PLCXD3: variants seen among roughly 807,000 people sequenced by gnomAD.
PLCXD3 encodes PI-PLC X domain-containing protein 3.
A neutral mutation model predicts 25.5 loss-of-function variants in PLCXD3; 19 were observed. The ratio of observed to expected loss-of-function variants is 0.75; its 90% confidence interval spans 0.52 to 1.09. PLCXD3 has a LOEUF of 1.09. Ranked by LOEUF, PLCXD3 falls within the 50% of genes least tolerant of loss-of-function variation. PLCXD3 has a pLI of 0.00. For missense variants in PLCXD3, 411 were observed against 388.1 expected (o/e 1.06, Z -0.50); for synonymous variants, 174 against 137.6 (o/e 1.26, Z -1.85).
intron 1 of PLCXD3, among the ~76,000 whole-genome samples, chr5:41,420,223 A>G (rs1421931684): frequency 4.6e-5 from 7 of 152,204 alleles, no homozygotes; most frequent in African/African-American, 1.7e-4. Flanking sequence ...TCCTAAATAT[A>G]TATTAACTAG....
intron 1 of PLCXD3, among the ~76,000 whole-genome samples, chr5:41,446,000 A>G (rs1747487166): frequency 6.6e-6 from 1 of 151,718 alleles, no homozygotes; most frequent in African/African-American, 2.4e-5. Context: ...ATCCTGGCTA[A>G]CATGGTGAAA....
intron 2 of PLCXD3, among the ~76,000 whole-genome samples, chr5:41,375,272 G>T (rs1192009850): frequency 1.3e-5 from 2 of 152,096 alleles, no homozygotes; most frequent in African/African-American, 4.8e-5. Context: ...CAAGGCCCCA[G>T]GGCACCATGC....
chr5:41,341,646 A>G (rs1270346305), intron 2 of PLCXD3, among the ~76,000 whole-genome samples: 1 of 152,142 alleles, frequency 6.6e-6, no homozygotes, highest in Non-Finnish European at 1.5e-5. Flanking sequence ...TCTTGTAGCT[A>G]TGAATCATTC....
intron 2 of PLCXD3, among the ~76,000 whole-genome samples, chr5:41,373,389 A>C (rs1333874376): frequency 1.3e-5 from 2 of 152,182 alleles, no homozygotes; most frequent in East Asian, 1.9e-4. Context: ...CATGGGACTT[A>C]TGAAATGTGC....
chr5:41,438,171 C>G (rs574343169), intron 1 of PLCXD3, among the ~76,000 whole-genome samples: 1 of 152,214 alleles, frequency 6.6e-6, no homozygotes, highest in Admixed American at 6.5e-5. Flanking sequence ...CAACTTAGAA[C>G]AGCCCCGACA....
chr5:41,362,911 A>G (rs1409302012), intron 2 of PLCXD3, among the ~76,000 whole-genome samples: 1 of 152,214 alleles, frequency 6.6e-6, no homozygotes, highest in African/African-American at 2.4e-5. Context: ...CTACTTTGGC[A>G]TCTCTTCCTG....
intron 2 of PLCXD3, among the ~76,000 whole-genome samples, chr5:41,347,610 C>T (rs1429530737): frequency 6.6e-6 from 1 of 152,170 alleles, no homozygotes; most frequent in Non-Finnish European, 1.5e-5. Flanking sequence ...AGTTACCAAC[C>T]TATAGTTGTT....
intron 1 of PLCXD3, among the ~76,000 whole-genome samples, chr5:41,446,176 C>CAAAAATAAAAAAAAA (rs1747494975): frequency 2.6e-5 from 1 of 38,110 alleles, no homozygotes; most frequent in Non-Finnish European, 5.0e-5. Flanking sequence ...GACTCCTTCT[C>CAAAAATAAAAAAAAA]AAAAAAAAAA....
intron 1 of PLCXD3, among the ~76,000 whole-genome samples, chr5:41,435,534 T>A (rs756831550): frequency 4.6e-5 from 7 of 152,058 alleles, no homozygotes; most frequent in African/African-American, 7.2e-5. Context: ...TGGGAAAGGT[T>A]TTGAGTTTGA....
At chr5:41,360,211 T>C (rs1299914062) in intron 2 of PLCXD3, among the ~76,000 whole-genome samples, 1 of 152,204 alleles carries the variant, frequency 6.6e-6, no homozygotes, top group Non-Finnish European at 1.5e-5. Context: ...TTATTTATGC[T>C]TTCTATTTCA....
At chr5:41,471,803 T>TTCCCTTCCCCTCCCC (rs1561283132) in intron 1 of PLCXD3, among the ~76,000 whole-genome samples, 3 of 15,330 alleles carry the variant, frequency 2.0e-4, no homozygotes, top group Admixed American at 8.1e-4. Context: ...TTCCCTTCCC[T>TTCCCTTCCCCTCCCC]TCCCCTCCCC....
intron 2 of PLCXD3, among the ~76,000 whole-genome samples, chr5:41,335,094 G>A (rs575021725): frequency 6.2e-4 from 95 of 152,200 alleles, no homozygotes; most frequent in Non-Finnish European, 1.1e-3. Flanking sequence ...TTTCTTCCTC[G>A]GCACAAGTAG....
At chr5:41,508,219 C>G (rs1749094198) in intron 1 of PLCXD3, among the ~76,000 whole-genome samples, 1 of 152,168 alleles carries the variant, frequency 6.6e-6, no homozygotes, top group South Asian at 2.1e-4. Context: ...TGTCTGTACT[C>G]TAAGATCACC....
chr5:41,321,724 A>C (rs1303551473), intron 2 of PLCXD3, among the ~76,000 whole-genome samples: 1 of 152,252 alleles, frequency 6.6e-6, no homozygotes, highest in Non-Finnish European at 1.5e-5. Context: ...GCATAAAAAC[A>C]GACACATAGA....
rs566159289 is a variant in PLCXD3 at position 41,467,732 on chromosome 5, G to A, written c.103+42692C>T. Among the ~76,000 whole-genome samples the A allele has an allele frequency of 3.9e-5, 6 of 152,198 alleles. 1 individual carries two copies. In the South Asian group the frequency reaches 1.0e-3, roughly 26 times the overall value. ...CTTTAATCCATTTTGATTGATTTTT[G>A]TATGTAGTATAAGATTAGAGTCTAA... On this transcript the variant is annotated intron_variant, in intron 1 of 2. Coordinates refer to ENST00000377801, the MANE Select transcript of PLCXD3 (RefSeq NM_001005473.3).
At chr5:41,401,686 C>T (rs879314335) in intron 1 of PLCXD3, among the ~76,000 whole-genome samples, 15 of 152,104 alleles carry the variant, frequency 9.9e-5, no homozygotes, top group Non-Finnish European at 1.8e-4. Flanking sequence ...TTGTGTAAGA[C>T]ATGCATTATT....
chr5:41,401,891 G>A (rs1412786001), intron 1 of PLCXD3, among the ~76,000 whole-genome samples: 3 of 152,046 alleles, frequency 2.0e-5, no homozygotes, highest in East Asian at 1.9e-4. Context: ...TTGGTACAAA[G>A]TTGTTCATAA....
intron 1 of PLCXD3, among the ~76,000 whole-genome samples, chr5:41,482,654 C>T (rs1748438106): frequency 6.6e-6 from 1 of 152,096 alleles, no homozygotes; most frequent in Non-Finnish European, 1.5e-5. Flanking sequence ...AAGAGGATGC[C>T]CTTTCTTGCT....
intron 1 of PLCXD3, among the ~76,000 whole-genome samples, chr5:41,385,246 T>C (rs1255965142): frequency 2.6e-5 from 4 of 152,122 alleles, no homozygotes; most frequent in Admixed American, 2.6e-4. Context: ...TCTGGTCTGA[T>C]ATTTTGCTTC....
Sources: gnomAD v4.1 joint callset for allele counts (sites outside exome capture counted in the v4.1 genomes callset) on GRCh38, gnomAD v4.1.1 for gene constraint, MANE v1.5 for transcripts, NCBI Gene and HGNC (gene_info 2026-07-23, HGNC 2026-07-21) for gene names.